Variants in AGAP1 observed in about 807,000 individuals in gnomAD.
AGAP1 encodes ArfGAP with GTPase domain, ankyrin repeat and PH domain 1, also known as arf-GAP with GTPase, ANK repeat and PH domain-containing protein 1.
Under a neutral mutation model 105.3 loss-of-function variants are expected in AGAP1, and 29 were observed. The observed-to-expected ratio is 0.28, with a 90% CI of 0.21 to 0.38. The LOEUF (loss-of-function observed/expected upper bound fraction) is 0.38. Ranked by LOEUF, AGAP1 falls within the 10% of genes least tolerant of loss-of-function variation. AGAP1 has a pLI of 1.00. For synonymous variants in AGAP1, 509 were observed against 485.9 expected, an observed-to-expected ratio of 1.05 and a Z score of -0.63; for missense variants, 998 against 1,165.1, an observed-to-expected ratio of 0.86 and a Z score of 2.09.
At chr2:235,658,013 G>C (rs1231903300) in intron 1 of AGAP1, among the ~76,000 whole-genome samples, 1 of 152,102 alleles carries the variant, frequency 6.6e-6, no homozygotes, top group African/African-American at 2.4e-5. Context: ...GGCCTTCTAG[G>C]CTCCAGAACT....
intron 13 of AGAP1, among the ~76,000 whole-genome samples, chr2:236,017,082 A>G (rs1263762548): frequency 6.6e-6 from 1 of 151,942 alleles, no homozygotes; most frequent in Non-Finnish European, 1.5e-5. Flanking sequence ...TGAGGTCAGG[A>G]GTTTGAGACC....
intron 1 of AGAP1, among the ~76,000 whole-genome samples, chr2:235,510,692 C>T (rs1345343632): frequency 6.6e-6 from 1 of 152,134 alleles, no homozygotes; most frequent in Non-Finnish European, 1.5e-5. Context: ...GGCTTAAGTT[C>T]AGCAGGCTTC....
intron 7 of AGAP1, among the ~76,000 whole-genome samples, chr2:235,798,172 C>T (rs1957328732): frequency 1.3e-5 from 2 of 152,078 alleles, no homozygotes; most frequent in African/African-American, 2.4e-5. Context: ...TTTAAACCAC[C>T]CTTCTCTGGT....
chr2:235,933,732 C>T (rs1052250921), intron 12 of AGAP1, among the ~76,000 whole-genome samples: 1 of 151,830 alleles, frequency 6.6e-6, no homozygotes, highest in African/African-American at 2.4e-5. Flanking sequence ...GGGGTTTCAC[C>T]ATGTTGGCCG....
At chr2:235,581,124 C>G (rs1305575381) in intron 1 of AGAP1, among the ~76,000 whole-genome samples, 3 of 130,274 alleles carry the variant, frequency 2.3e-5, no homozygotes, top group African/African-American at 3.2e-5. Flanking sequence ...TGGTGAAACC[C>G]CATCTCAAGC....
At chr2:235,757,472 G>T (rs957204581) in intron 6 of AGAP1, among the ~76,000 whole-genome samples, 7 of 152,212 alleles carry the variant, frequency 4.6e-5, no homozygotes, top group Non-Finnish European at 1.5e-5. Flanking sequence ...CATCGTCCTG[G>T]TGGATGGGTG....
chr2:235,721,736 C>A lies in AGAP1; in HGVS notation c.310+4092C>A, dbSNP rs1179443198. Among the ~76,000 whole-genome samples the A allele has an allele frequency of 6.6e-6, 1 of 152,136 alleles. No homozygotes were observed. Among genetic ancestry groups the A allele is most frequent in the African/African-American group, 2.4e-5 (1 of 41,418 alleles). On this transcript the variant is annotated intron_variant, in intron 3 of 17. Transcript: ENST00000304032. The surrounding 1 kb of genome is among the most constrained non-coding windows in gnomAD (Gnocchi z 4.5). Reference sequence around the variant, plus strand: ...ATATCCTTTATATTCTAATCCTGACCCATGGCTGGGATATGTAGATTGCTG... The same window carrying A: ...ATATCCTTTATATTCTAATCCTGACACATGGCTGGGATATGTAGATTGCTG...
rs2050665701 is a variant in AGAP1 at position 235,893,697 on chromosome 2, G to A, written c.1155+10248G>A. 3.9e-5 allele frequency among the ~76,000 whole-genome samples: 6 copies of A among 152,286 alleles called. No homozygotes were observed. The South Asian group carries it at 1.2e-3, about 32-fold the overall frequency. ...CCCATCTAGTGTATGTCATTGAGGAGGAGGGCTGTGTTCCCCACAGTCTGC... is the reference window on the plus strand; with the variant it reads ...CCCATCTAGTGTATGTCATTGAGGAAGAGGGCTGTGTTCCCCACAGTCTGC... On this transcript the variant is annotated intron_variant, in intron 10 of 17. Transcript: ENST00000304032. The surrounding 1 kb of genome is among the most constrained non-coding windows in gnomAD (Gnocchi z 4.7).
At chr2:235,846,569 G>A (rs1961521415) in intron 9 of AGAP1, among the ~76,000 whole-genome samples, 1 of 151,762 alleles carries the variant, frequency 6.6e-6, no homozygotes, top group Non-Finnish European at 1.5e-5. Flanking sequence ...GACCTCAAGT[G>A]ATCATCCCAC....
chr2:235,959,629 T>G lies in AGAP1; in HGVS notation c.1484-8833T>G, dbSNP rs2054097451. 6.6e-6 allele frequency among the ~76,000 whole-genome samples: 1 copy of G among 152,040 alleles called. No individual in the cohort carries two copies. Among genetic ancestry groups the G allele is most frequent in the Non-Finnish European group, 1.5e-5 (1 of 68,020 alleles). On this transcript the variant is annotated intron_variant, in intron 12 of 17. Coordinates refer to ENST00000304032, the MANE Select transcript of AGAP1 (RefSeq NM_001037131.3). The surrounding 1 kb of genome is among the most constrained non-coding windows in gnomAD (Gnocchi z 7.3). ...CAGGTGACACTTCCTGCCCGACTTC[T>G]GTCTCCTGCCACGGCCCCCCTCAAT...
rs182552702 is a variant in AGAP1, at chr2:235,789,737, C to T, written c.674-8022C>T. Among the ~76,000 whole-genome samples, 97 of 152,310 alleles carry T rather than the reference C, an allele frequency of 6.4e-4. No homozygotes were observed. Among genetic ancestry groups the T allele is most frequent in the African/African-American group, 2.2e-3 (93 of 41,566 alleles). On this transcript the variant is annotated intron_variant, in intron 6 of 17. Transcript: ENST00000304032. The surrounding 1 kb of genome is among the most constrained non-coding windows in gnomAD (Gnocchi z 4.2). The stretch of plus-strand genomic sequence containing the variant: ...AAGTCAACAAAGGATTACCACCCAC[C>T]GAACCCTTTCTCCTGCTGGCTTGCT...
In AGAP1 at chr2:235,976,227, A is replaced by G. The variant is rs1430716432; in HGVS notation, c.1645+7604A>G. ...CACAAACTAGATGACTTTTCCAAAG[A>G]CAGTTTGCTCTCAGGTTGTAACTCC... On this transcript the variant is annotated intron_variant, in intron 13 of 17. Transcript: ENST00000304032. This position sits in a 1 kb window ranked among gnomAD's most constrained non-coding sequence, Gnocchi z 4.5. Among the ~76,000 whole-genome samples, 1 of 152,186 alleles carries G rather than the reference A, an allele frequency of 6.6e-6. No individual in the cohort carries two copies. Among genetic ancestry groups the G allele is most frequent in the Non-Finnish European group, 1.5e-5 (1 of 68,040 alleles).
At position 235,514,153 on chromosome 2, in the gene AGAP1, T is replaced by TGC. The variant is rs71400768; in HGVS notation, c.163+19313_163+19314dup. Among the ~76,000 whole-genome samples the TGC allele has an allele frequency of 5.6e-3, 780 of 138,636 alleles. 3 individuals are homozygous for TGC. The highest frequency in any genetic ancestry group is 0.016 in the African/African-American group (592 of 37,588). 91.0% of individuals were successfully genotyped at this position (138,636 alleles called of 152,430 possible). A position where few individuals can be genotyped will look rare whatever the true frequency, so the allele number is the denominator to read the frequency against. ...CTTGGTGTGTGCCAGTGCATGCGCGTGCGCGCGCGCACACACACACACACA... is the reference window on the plus strand; with the variant it reads ...CTTGGTGTGTGCCAGTGCATGCGCGTGCGCGCGCGCGCACACACACACACACA... On this transcript the variant is annotated intron_variant, in intron 1 of 17. Transcript: ENST00000304032.
chr2:235,935,841 G>C (rs1031301163), intron 12 of AGAP1, among the ~76,000 whole-genome samples: 1 of 152,164 alleles, frequency 6.6e-6, no homozygotes, highest in African/African-American at 2.4e-5. Flanking sequence ...AGGGGCCCTG[G>C]GGGGTCGTAT....
At chr2:235,650,488 A>G (rs964002742) in intron 1 of AGAP1, among the ~76,000 whole-genome samples, 4 of 151,976 alleles carry the variant, frequency 2.6e-5, no homozygotes, top group African/African-American at 4.8e-5. Context: ...TCCATCCATT[A>G]TATGTTAGTT....
At chr2:235,890,343 G>T (rs2050478481) in intron 10 of AGAP1, among the ~76,000 whole-genome samples, 1 of 151,944 alleles carries the variant, frequency 6.6e-6, no homozygotes, top group Non-Finnish European at 1.5e-5. Flanking sequence ...GTAGAGATGG[G>T]ATTTCACCAT....
chr2:235,821,503 C>T (rs1575554062), intron 9 of AGAP1, among the ~76,000 whole-genome samples: 2 of 151,754 alleles, frequency 1.3e-5, no homozygotes, highest in East Asian at 3.9e-4. Context: ...CCTGCCTCAG[C>T]CTCCCGAGTA....
rs557506236 is a variant in AGAP1 at position 235,992,757 on chromosome 2, C to T, written c.1645+24134C>T. On this transcript the variant is annotated intron_variant, in intron 13 of 17. Coordinates refer to ENST00000304032, the MANE Select transcript of AGAP1 (RefSeq NM_001037131.3). This position sits in a 1 kb window ranked among gnomAD's most constrained non-coding sequence, Gnocchi z 4.8. Reference sequence around the variant, plus strand: ...ACACCTGGGGATGCGTCGTGGGCGCCGAGGAGAGCGTAGCCTCCTGTTAAC... The same window carrying T: ...ACACCTGGGGATGCGTCGTGGGCGCTGAGGAGAGCGTAGCCTCCTGTTAAC... Among the ~76,000 whole-genome samples the T allele has an allele frequency of 1.1e-3, 171 of 152,286 alleles. 1 individual carries two copies. The highest frequency in any genetic ancestry group is 3.9e-3 in the African/African-American group (163 of 41,566).
In AGAP1 at chr2:235,741,817, G is replaced by A. The variant is rs1335478210; in HGVS notation, c.396+769G>A. 7.9e-5 allele frequency among the ~76,000 whole-genome samples: 12 copies of A among 151,042 alleles called. No homozygotes were observed. The highest frequency in any genetic ancestry group is 2.4e-4 in the African/African-American group (10 of 41,114). On this transcript the variant is annotated intron_variant, in intron 4 of 17. Coordinates refer to ENST00000304032, the MANE Select transcript of AGAP1 (RefSeq NM_001037131.3). This position sits in a 1 kb window ranked among gnomAD's most constrained non-coding sequence, Gnocchi z 4.9. ...TACCCAGGCTGGAGTGCAGTGACGT[G>A]ATCTCGGCTCACTACAAGCTCCACC...
Sources: allele counts gnomAD v4.1 joint callset (sites outside exome capture counted in the v4.1 genomes callset), GRCh38; gene constraint gnomAD v4.1.1; non-coding constraint Gnocchi (gnomAD v3.1); transcripts MANE v1.5; gene names NCBI Gene and HGNC (gene_info 2026-07-23, HGNC 2026-07-21).